Variants in STPG2 observed in about 807,000 individuals in gnomAD.
STPG2 encodes the protein sperm tail PG-rich repeat containing 2, also known as sperm-tail PG-rich repeat-containing protein 2.
In STPG2, 56 loss-of-function variants were observed where a neutral mutation model predicts 54.2. That is an observed-to-expected ratio of 1.03 (90% CI 0.83 to 1.29). The LOEUF is 1.29. Among genes scored for constraint, STPG2 ranks in the 50% most tolerant of loss-of-function variants. The probability of loss-of-function intolerance (pLI) is 0.00; values close to 1 mark genes in which losing one functional copy is unlikely to be tolerated. For missense variants in STPG2, 596 were observed against 544.9 expected (o/e 1.09, Z -0.93); for synonymous variants, 200 against 181.8 (o/e 1.10, Z -0.81).
intron 8 of STPG2, among the ~76,000 whole-genome samples, chr4:97,928,926 G>A (rs1305631537): frequency 6.6e-6 from 1 of 151,862 alleles, no homozygotes; most frequent in East Asian, 1.9e-4. Context: ...GTGAAGGTTT[G>A]TTACATAGGT....
chr4:97,485,328 G>T (rs1172338795), intron 4 of STPG2, among the ~76,000 whole-genome samples: 3 of 151,734 alleles, frequency 2.0e-5, no homozygotes, highest in African/African-American at 4.8e-5. Flanking sequence ...CCTCCAGAAA[G>T]CTCCTAGAAC....
intron 10 of STPG2, among the ~76,000 whole-genome samples, chr4:97,687,092 C>A (rs2148984741): frequency 6.6e-6 from 1 of 151,738 alleles, no homozygotes; most frequent in Middle Eastern, 3.4e-3. Context: ...AGGCGCTGGC[C>A]ACCACGCCTG....
At chr4:97,863,021 A>G (rs1214940317) in intron 8 of STPG2, among the ~76,000 whole-genome samples, 1 of 152,184 alleles carries the variant, frequency 6.6e-6, no homozygotes, top group African/African-American at 2.4e-5. Flanking sequence ...ACACCCTAAC[A>G]TCACAATTAA....
chr4:97,964,354 G>A (rs1294143848), intron 7 of STPG2, among the ~76,000 whole-genome samples: 1 of 152,074 alleles, frequency 6.6e-6, no homozygotes, highest in Admixed American at 6.6e-5. Context: ...GGGAGACATT[G>A]TATCTTTGAA....
At chr4:97,875,479 C>A (rs1457444766) in intron 8 of STPG2, among the ~76,000 whole-genome samples, 2 of 151,438 alleles carry the variant, frequency 1.3e-5, no homozygotes, top group Non-Finnish European at 3.0e-5. Flanking sequence ...GTAGAATATA[C>A]ATATAAATGA....
intron 10 of STPG2, among the ~76,000 whole-genome samples, chr4:97,600,473 T>A (rs1170495620): frequency 6.6e-6 from 1 of 152,194 alleles, no homozygotes; most frequent in Non-Finnish European, 1.5e-5. Flanking sequence ...AGAGTTCAAA[T>A]AAATATTGAT....
At chr4:98,052,056 C>T (rs1737339405) in intron 5 of STPG2, among the ~76,000 whole-genome samples, 1 of 120,250 alleles carries the variant, frequency 8.3e-6, no homozygotes, top group Non-Finnish European at 1.8e-5. Context: ...CATTGCACTC[C>T]AGCCTGGGCC....
chr4:97,914,114 C>T (rs961263978), intron 8 of STPG2, among the ~76,000 whole-genome samples: 1 of 152,162 alleles, frequency 6.6e-6, no homozygotes, highest in East Asian at 1.9e-4. Flanking sequence ...ACTGGATACA[C>T]ACAGTGCTTG....
chr4:97,621,185 AG>A (rs961536554), intron 10 of STPG2, among the ~76,000 whole-genome samples: 21 of 152,204 alleles, frequency 1.4e-4, no homozygotes, highest in African/African-American at 5.1e-4. Context: ...CACATCAAAA[AG>A]ATACAAAGAT....
At chr4:98,119,606 CTT>C (rs879556822) in intron 3 of STPG2, among the ~76,000 whole-genome samples, 1 of 146,330 alleles carries the variant, frequency 6.8e-6, no homozygotes, top group Non-Finnish European at 1.5e-5. Context: ...AAAAGAATGC[CTT>C]TTTTTTTTTA....
chr4:97,815,051 C>A (rs1048882439), intron 9 of STPG2, among the ~76,000 whole-genome samples: 8 of 152,150 alleles, frequency 5.3e-5, no homozygotes, highest in African/African-American at 1.2e-4. Flanking sequence ...GCAGGACTAC[C>A]AACGTCCTGC....
At chr4:97,590,638 G>GACACACAGAC (rs1553940792) in intron 10 of STPG2, among the ~76,000 whole-genome samples, 3 of 138,710 alleles carry the variant, frequency 2.2e-5, no homozygotes, top group Admixed American at 1.5e-4. Flanking sequence ...CAGACACACA[G>GACACACAGAC]ACACACACAC....
intron 8 of STPG2, among the ~76,000 whole-genome samples, chr4:97,856,041 T>C (rs1729323747): frequency 6.6e-6 from 1 of 152,048 alleles, no homozygotes; most frequent in South Asian, 2.1e-4. Context: ...ATTTTTTGTA[T>C]CAGTACCATG....
intron 5 of STPG2, among the ~76,000 whole-genome samples, chr4:98,040,933 A>C (rs1370853394): frequency 2.6e-5 from 4 of 151,780 alleles, no homozygotes; most frequent in Non-Finnish European, 4.4e-5. Flanking sequence ...AATCAAAAGA[A>C]TCAGTATTTC....
At chr4:97,744,268 A>G (rs1490623573) in intron 9 of STPG2, among the ~76,000 whole-genome samples, 2 of 151,310 alleles carry the variant, frequency 1.3e-5, no homozygotes, top group African/African-American at 4.8e-5. Context: ...TATAATATGT[A>G]GTATTTTGAG....
At position 98,052,535 on chromosome 4, in the gene STPG2, AAT is replaced by A. The variant is rs1394273362; in HGVS notation, c.612+53416_612+53417del. Among the ~76,000 whole-genome samples the A allele has an allele frequency of 3.9e-5, 6 of 152,326 alleles. 1 individual carries two copies. Among genetic ancestry groups the A allele is most frequent in the Admixed American group, 6.5e-5 (1 of 15,302 alleles). The stretch of plus-strand genomic sequence containing the variant: ...ATAGGTATGATAGAGTTTTAAATTA[AAT>A]ATGTTTTTATGTTTTGTTGATGACT... On this transcript the variant is annotated intron_variant, in intron 5 of 10. Transcript: ENST00000295268.
At chr4:97,784,145 G>GCAA (rs887261536) in intron 9 of STPG2, among the ~76,000 whole-genome samples, 5 of 150,724 alleles carry the variant, frequency 3.3e-5, no homozygotes, top group African/African-American at 1.2e-4. Context: ...CTCAGCCTAG[G>GCAA]CAACAACAAC....
chr4:97,513,522 T>C (rs1351166316), intron 4 of STPG2, among the ~76,000 whole-genome samples: 1 of 152,028 alleles, frequency 6.6e-6, no homozygotes, highest in African/African-American at 2.4e-5. Context: ...CAGCCACCAG[T>C]CATCTCATTC....
intron 4 of STPG2, among the ~76,000 whole-genome samples, chr4:97,493,404 C>T (rs146047267): frequency 2.4e-4 from 36 of 151,360 alleles, no homozygotes; most frequent in African/African-American, 8.2e-4. Context: ...TAATAGAAAC[C>T]TAAAACATGT....
Sources: gnomAD v4.1 joint callset for allele counts (sites outside exome capture counted in the v4.1 genomes callset) on GRCh38, gnomAD v4.1.1 for gene constraint, MANE v1.5 for transcripts, NCBI Gene and HGNC (gene_info 2026-07-23, HGNC 2026-07-21) for gene names.